The following ATG16L2 variants were observed in gnomAD, a reference collection of about 807,000 sequenced individuals.
ATG16L2 encodes protein Atg16l2.
ATG16L2 carries 77 observed loss-of-function variants against 84.7 expected under a neutral mutation model. That is an observed-to-expected ratio of 0.91 (90% CI 0.76 to 1.10). The LOEUF is 1.10. Among genes scored for constraint, ATG16L2 ranks in the 50% least tolerant of loss-of-function variants. ATG16L2 has a pLI of 0.00. For synonymous variants in ATG16L2, 361 were observed against 342.8 expected, an observed-to-expected ratio of 1.05 and a Z score of -0.59; for missense variants, 782 against 817.6, an observed-to-expected ratio of 0.96 and a Z score of 0.53.
intron 14 of ATG16L2, among the ~76,000 whole-genome samples, chr11:72,827,640 G>C (rs1189979452): frequency 6.6e-6 from 1 of 152,222 alleles, no homozygotes; most frequent in Non-Finnish European, 1.5e-5. Context: ...TGAATTGTTT[G>C]TAAAAGCAAA....
chr11:72,828,813 G>A (rs202152915), intron 16 of ATG16L2, 37 bp downstream of exon 16: 4 of 1,614,126 alleles, frequency 2.5e-6, no homozygotes, highest in East Asian at 4.5e-5. Flanking sequence ...GTCCAAGTGT[G>A]CCCTGCCGGA....
rs200865441 is a variant in ATG16L2, at chr11:72,829,335, C to T, written c.1805C>T (p.Ser602Phe). ...AAVNAVAWCYSGSHMVSVDQG... is the reference protein window; with the variant it reads ...AAVNAVAWCYFGSHMVSVDQG... Reference sequence around the variant, plus strand: ...GTCAACGCCGTGGCCTGGTGCTACTCCGGGAGCCACATGGTGAGCGTGGAC... The same window carrying T: ...GTCAACGCCGTGGCCTGGTGCTACTTCGGGAGCCACATGGTGAGCGTGGAC... Residue 602 changes from serine (S) to phenylalanine (F), a missense_variant, in exon 18 of 18, where the codon TCC (serine) becomes TTC (phenylalanine). Physicochemically the swap from Ser to Phe is radical, Grantham distance 155. Transcript: ENST00000321297. 3 of 1,613,126 alleles carry T rather than the reference C, an allele frequency of 1.9e-6. No homozygotes were observed. In the East Asian group the frequency reaches 6.7e-5, roughly 36 times the overall value.
Position 72,822,022 on chromosome 11 carries a change from A to C in ATG16L2, c.393-22A>C. ...TGACGGGGGAAGCTTGGGACCCGCT[A>C]TCCGCTCTTTCCGTCCTCCAGGCTG... On this transcript the variant is annotated intron_variant, in intron 4 of 17. Coordinates refer to ENST00000321297, the MANE Select transcript of ATG16L2 (RefSeq NM_033388.2). This position sits in a 1 kb window ranked among gnomAD's most constrained non-coding sequence, Gnocchi z 4.2. 1.3e-6 allele frequency: 2 copies of C among 1,484,414 alleles called. No homozygotes were observed. The highest frequency in any genetic ancestry group is 1.8e-6 in the Non-Finnish European group (2 of 1,132,570). The allele number at this position is 1,484,414 out of a possible 1,614,324, so 92.0% of individuals were successfully genotyped here. A position where few individuals can be genotyped will look rare whatever the true frequency, so the allele number is the denominator to read the frequency against.
chr11:72,828,853 C>T (rs1026958540), intron 16 of ATG16L2, 30 bp from the exon 17 acceptor site: 9 of 1,613,832 alleles, frequency 5.6e-6, no homozygotes, highest in African/African-American at 1.3e-5. Context: ...TCTGACCCCC[C>T]GTTTTCTTGC....
rs1860240982 is a variant in ATG16L2, at chr11:72,824,799, T to C, written c.953T>C (p.Val318Ala). 1 of 1,607,416 alleles carries C rather than the reference T, an allele frequency of 6.2e-7. No homozygotes were observed. Among genetic ancestry groups the C allele is most frequent in the Non-Finnish European group, 8.5e-7 (1 of 1,176,932 alleles). Residue 318 changes from valine (V) to alanine (A), a missense_variant, in exon 9 of 18, where the codon GTG becomes GCG. By Grantham distance (64) the Val-to-Ala change is moderately conservative (BLOSUM62 0). Coordinates refer to ENST00000321297, the MANE Select transcript of ATG16L2 (RefSeq NM_033388.2). ...GAGCAGCGATACCAGATCATCCCTGTGTGTGTGGCTGCCCGACTTCCTACC... is the reference window on the plus strand; with the variant it reads ...GAGCAGCGATACCAGATCATCCCTGCGTGTGTGGCTGCCCGACTTCCTACC... ...APEQRYQIIPVCVAARLPTRA... is the reference protein window; with the variant it reads ...APEQRYQIIPACVAARLPTRA...
intron 17 of ATG16L2, 131 bp downstream of exon 17, chr11:72,829,115 C>T (rs1860531845): frequency 2.7e-6 from 3 of 1,112,300 alleles, no homozygotes; most frequent in South Asian, 1.4e-5. Context: ...GAGCCCTTTG[C>T]AGTTCACAAG....
chr11:72,814,432 G>C lies in ATG16L2; in HGVS notation c.-14G>C, dbSNP rs370813789. ...GGGCGGGAGGAACGCGCCGCTAGGC[G>C]GGAGAGCGCGGCCATGGCGGGGCCG... On this transcript the variant is annotated 5_prime_UTR_variant, in exon 1 of 18. Coordinates refer to ENST00000321297, the MANE Select transcript of ATG16L2 (RefSeq NM_033388.2). 41 of 1,457,354 alleles carry C rather than the reference G, an allele frequency of 2.8e-5. No homozygotes were observed. The highest frequency in any genetic ancestry group is 3.6e-5 in the Non-Finnish European group (39 of 1,095,304). 90.3% of individuals were successfully genotyped at this position (1,457,354 alleles called of 1,614,324 possible).
chr11:72,825,332 C>A lies in ATG16L2; in HGVS notation c.1027C>A (p.Arg343Ser). The change falls in exon 10 of 18, where the codon CGT (arginine) becomes AGT (serine). Residue 343 changes from arginine (R) to serine (S), a missense_variant. Coordinates refer to ENST00000321297, the MANE Select transcript of ATG16L2 (RefSeq NM_033388.2). Reference sequence around the variant, plus strand: ...CCACCTCTCTGAGGTCAATGCTGTTCGTTTTGGCCCCAACAGCAGCCTCCT... The same window carrying A: ...CCACCTCTCTGAGGTCAATGCTGTTAGTTTTGGCCCCAACAGCAGCCTCCT... ...DAHLSEVNAVRFGPNSSLLAT... is the reference protein window; with the variant it reads ...DAHLSEVNAVSFGPNSSLLAT... The A allele has an allele frequency of 6.2e-7, 1 of 1,613,566 alleles. No individual in the cohort carries two copies. The highest frequency in any genetic ancestry group is 1.3e-5 in the African/African-American group (1 of 75,002).
rs1272444173 is a variant in ATG16L2 at position 72,842,902 on chromosome 11, C to T, written c.*307C>T. The stretch of plus-strand genomic sequence containing the variant: ...ATTAACAGCCGGTTGCTTTTGCAAC[C>T]ACCCCTATGCTCACATGACAACTAA... On this transcript the variant is annotated 3_prime_UTR_variant, in exon 6 of 6. Transcript: ENST00000534905. 7 of 1,276,182 alleles carry T rather than the reference C, an allele frequency of 5.5e-6. No homozygotes were observed. In the East Asian group the frequency reaches 1.2e-4, roughly 21 times the overall value. The allele number at this position is 1,276,182 out of a possible 1,614,324, so 79.1% of individuals were successfully genotyped here.
At chr11:72,843,046 G>T in exon 6 of ATG16L2, 1 of 1,124,322 alleles carries the variant, frequency 8.9e-7, no homozygotes, top group Non-Finnish European at 1.3e-6. Context: ...CATATTATAG[G>T]ACAGGAGGAA....
intron 8 of ATG16L2, chr11:72,824,515 A>C (rs1591307603): frequency 1.7e-6 from 1 of 585,850 alleles, no homozygotes; most frequent in East Asian, 2.9e-5. Context: ...CACCAACCCT[A>C]CCCTGCTCCT....
rs1236534629 is a variant in ATG16L2, at chr11:72,822,301, G to A, written c.644+6G>A. The A allele has an allele frequency of 6.6e-7, 1 of 1,513,982 alleles. No individual in the cohort carries two copies. Among genetic ancestry groups the A allele is most frequent in the African/African-American group, 1.4e-5 (1 of 70,826 alleles). 93.8% of individuals were successfully genotyped at this position (1,513,982 alleles called of 1,614,324 possible). ...CGCAACGAGCGCCGGGAGCGGTGAG[G>A]GAGCAGGCCCCGCCCCTCCTGAGGA... On this transcript the variant is annotated splice_donor_region_variant and intron_variant, in intron 5 of 17. Coordinates refer to ENST00000321297, the MANE Select transcript of ATG16L2 (RefSeq NM_033388.2). This position sits in a 1 kb window ranked among gnomAD's most constrained non-coding sequence, Gnocchi z 4.2.
rs566047039 is a variant in ATG16L2, at chr11:72,826,963, A to G, written c.1366+140A>G. Reference sequence around the variant, plus strand: ...GGGTGAAACCTCTCAAGGCCCTCCAATTCCCTAATGGTATCCCCCAGTGGT... The same window carrying G: ...GGGTGAAACCTCTCAAGGCCCTCCAGTTCCCTAATGGTATCCCCCAGTGGT... On this transcript the variant is annotated intron_variant, in intron 13 of 17. Coordinates refer to ENST00000321297, the MANE Select transcript of ATG16L2 (RefSeq NM_033388.2). 181 of 1,033,934 alleles carry G rather than the reference A, an allele frequency of 1.8e-4. 1 individual carries two copies. The highest frequency in any genetic ancestry group is 1.2e-3 in the East Asian group (45 of 38,478). 64.0% of individuals were successfully genotyped at this position (1,033,934 alleles called of 1,614,324 possible).
At chr11:72,821,870 T>C (rs1250569498) in intron 4 of ATG16L2, 129 bp downstream of exon 4, 17 of 1,428,138 alleles carry the variant, frequency 1.2e-5, no homozygotes, top group African/African-American at 4.3e-5. Flanking sequence ...CATCGGTTGG[T>C]GCCAGAGGAC....
chr11:72,815,419 C>T (rs1433711499), intron 1 of ATG16L2, among the ~76,000 whole-genome samples: 1 of 152,120 alleles, frequency 6.6e-6, no homozygotes, highest in African/African-American at 2.4e-5. Context: ...GCGAGGCCAG[C>T]CCCCACCTCC....
chr11:72,822,047 G>A lies in ATG16L2; in HGVS notation c.396G>A (p.Leu132=), dbSNP rs761102070. 54 of 1,501,814 alleles carry A rather than the reference G, an allele frequency of 3.6e-5. No homozygotes were observed. Among genetic ancestry groups the A allele is most frequent in the Non-Finnish European group, 8.8e-6 (10 of 1,142,134 alleles). 93.0% of individuals were successfully genotyped at this position (1,501,814 alleles called of 1,614,324 possible). A position where few individuals can be genotyped will look rare whatever the true frequency, so the allele number is the denominator to read the frequency against. ...ESELQQRQSR[L]AALEARVAQL... is the part of the protein sequence containing the mutation. Reference sequence around the variant, plus strand: ...ATCCGCTCTTTCCGTCCTCCAGGCTGGCAGCCCTGGAGGCCCGCGTGGCGC... The same window carrying A: ...ATCCGCTCTTTCCGTCCTCCAGGCTAGCAGCCCTGGAGGCCCGCGTGGCGC... Residue 132 remains leucine (L), a synonymous_variant, in exon 5 of 18, where the codon CTG becomes CTA. Transcript: ENST00000321297. This position sits in a 1 kb window ranked among gnomAD's most constrained non-coding sequence, Gnocchi z 4.2.
intron 1 of ATG16L2, among the ~76,000 whole-genome samples, chr11:72,815,522 C>T (rs1203614181): frequency 1.3e-5 from 2 of 152,090 alleles, no homozygotes; most frequent in East Asian, 1.9e-4. Flanking sequence ...CCCCCCGCCC[C>T]GACCCAGGGA....
At chr11:72,816,462 C>T in intron 1 of ATG16L2, 1 of 422,966 alleles carries the variant, frequency 2.4e-6, no homozygotes, top group Non-Finnish European at 4.4e-6. Flanking sequence ...CAGTACCCCG[C>T]AGTGGTCATC....
chr11:72,827,382 A>C (rs944926064), intron 14 of ATG16L2, 89 bp downstream of exon 14: 30 of 1,139,616 alleles, frequency 2.6e-5, no homozygotes, highest in African/African-American at 4.6e-5. Context: ...TGGCAGGAGG[A>C]GTCTTGGTGG....
Sources: allele counts gnomAD v4.1 joint callset (sites outside exome capture counted in the v4.1 genomes callset), GRCh38; gene constraint gnomAD v4.1.1; non-coding constraint Gnocchi (gnomAD v3.1); transcripts MANE v1.5; gene names NCBI Gene and HGNC (gene_info 2026-07-23, HGNC 2026-07-21).